The following ZNF148 variants were observed in gnomAD, a reference collection of about 807,000 sequenced individuals.
The protein encoded by ZNF148 is Beta-Enolase Repressor Factor-1.
ZNF148 carries 7 observed loss-of-function variants against 67.7 expected under a neutral mutation model. The observed-to-expected ratio is 0.10, with a 90% CI of 0.06 to 0.19. The LOEUF (loss-of-function observed/expected upper bound fraction) is 0.19, where lower values mean the gene tolerates loss of function less well. ZNF148 is among the 10% of genes least tolerant of loss of function. The pLI, the probability that ZNF148 is intolerant of heterozygous loss-of-function variation, is 1.00. For missense variants in ZNF148, 583 were observed against 947.1 expected, an observed-to-expected ratio of 0.62 and a Z score of 5.05; for synonymous variants, 333 against 330.7, an observed-to-expected ratio of 1.01 and a Z score of -0.08.
At chr3:125,251,479 G>A (rs1936840113) in intron 7 of ZNF148, among the ~76,000 whole-genome samples, 2 of 152,124 alleles carry the variant, frequency 1.3e-5, no homozygotes, top group African/African-American at 4.8e-5. Flanking sequence ...TAAAGAAAGG[G>A]AACATTAGAC....
At chr3:125,297,346 A>C (rs546652510) in intron 4 of ZNF148, among the ~76,000 whole-genome samples, 2 of 152,268 alleles carry the variant, frequency 1.3e-5, no homozygotes, top group Non-Finnish European at 2.9e-5. Flanking sequence ...AGCCTCCAAA[A>C]GTTAAAAAAG....
intron 1 of ZNF148, among the ~76,000 whole-genome samples, chr3:125,354,333 T>A (rs1942266043): frequency 2.0e-5 from 3 of 152,134 alleles, no homozygotes; most frequent in African/African-American, 7.2e-5. Flanking sequence ...TTTTGTTTTG[T>A]TTTTAGGAAA....
chr3:125,261,133 T>C (rs979349539), intron 7 of ZNF148, among the ~76,000 whole-genome samples: 19 of 152,202 alleles, frequency 1.2e-4, no homozygotes, highest in African/African-American at 4.1e-4. Flanking sequence ...TCAGGGGCCA[T>C]ATGATCTCTG....
At chr3:125,259,600 C>T (rs1187497356) in intron 7 of ZNF148, among the ~76,000 whole-genome samples, 1 of 152,134 alleles carries the variant, frequency 6.6e-6, no homozygotes. Context: ...TTACATTATA[C>T]TATAGCCTAT....
chr3:125,307,680 T>G (rs915185553), intron 4 of ZNF148, among the ~76,000 whole-genome samples: 5 of 152,192 alleles, frequency 3.3e-5, no homozygotes, highest in Non-Finnish European at 5.9e-5. Flanking sequence ...AGTCTCACTC[T>G]GTCACCCAGG....
intron 4 of ZNF148, among the ~76,000 whole-genome samples, chr3:125,298,617 A>C (rs1163403763): frequency 2.1e-5 from 3 of 142,256 alleles, no homozygotes; most frequent in African/African-American, 7.9e-5. Context: ...ATTTATATTA[A>C]ATTTTTTTTT....
intron 4 of ZNF148, among the ~76,000 whole-genome samples, chr3:125,292,307 G>A (rs1222715391): frequency 1.3e-5 from 2 of 152,132 alleles, no homozygotes; most frequent in Non-Finnish European, 2.9e-5. Flanking sequence ...TTTGATTTTC[G>A]AAAAGGTTCA....
chr3:125,323,211 T>C (rs904116493), intron 3 of ZNF148, 98 bp downstream of exon 3: 2 of 434,476 alleles, frequency 4.6e-6, no homozygotes, highest in Non-Finnish European at 8.1e-6. Flanking sequence ...GAAACTATTA[T>C]ATAAATTCAG....
chr3:125,316,599 A>C (rs980087179), intron 3 of ZNF148, among the ~76,000 whole-genome samples: 1 of 152,150 alleles, frequency 6.6e-6, no homozygotes, highest in East Asian at 1.9e-4. Flanking sequence ...GATGATCAAC[A>C]ATGTTGAGCA....
intron 1 of ZNF148, among the ~76,000 whole-genome samples, chr3:125,373,680 G>A (rs559337516): frequency 6.6e-6 from 1 of 152,266 alleles, no homozygotes; most frequent in East Asian, 1.9e-4. Context: ...CCCACACTTT[G>A]CTGGCTGATA....
rs192107452 is a variant in ZNF148 at position 125,268,035 on chromosome 3, A to T, written c.667+9691T>A. On this transcript the variant is annotated intron_variant, in intron 7 of 8. Transcript: ENST00000360647. ...GAAGGTGAAAGATCTCTATAAGAAGAACTAAAAAACACTGCTGAAGGAAAT... is the reference window on the plus strand; with the variant it reads ...GAAGGTGAAAGATCTCTATAAGAAGTACTAAAAAACACTGCTGAAGGAAAT... Among the ~76,000 whole-genome samples the T allele has an allele frequency of 1.2e-3, 181 of 152,266 alleles. 1 individual carries two copies. The highest frequency in any genetic ancestry group is 5.0e-3 in the Admixed American group (77 of 15,290).
rs1281742187 is a variant in ZNF148, at chr3:125,280,494, C to A, written c.460-1247G>T. ...TTCAGGAGTTCGAGACCAGCCTGGG[C>A]AAAATGAGGAAACCCCGTCTCCACT... On this transcript the variant is annotated intron_variant, in intron 5 of 8. Transcript: ENST00000360647. 3.3e-5 allele frequency among the ~76,000 whole-genome samples: 5 copies of A among 151,818 alleles called. No individual in the cohort carries two copies. The South Asian group carries it at 8.3e-4, about 25-fold the overall frequency.
chr3:125,248,562 T>C (rs945792383), intron 7 of ZNF148, among the ~76,000 whole-genome samples: 2 of 152,230 alleles, frequency 1.3e-5, no homozygotes, highest in Non-Finnish European at 2.9e-5. Context: ...GCATACTTTT[T>C]TCATGACTAA....
chr3:125,275,914 A>C (rs1205896937), intron 7 of ZNF148, among the ~76,000 whole-genome samples: 1 of 152,226 alleles, frequency 6.6e-6, no homozygotes, highest in Non-Finnish European at 1.5e-5. Flanking sequence ...ACCTGCCCTA[A>C]GAACGGACAG....
intron 1 of ZNF148, among the ~76,000 whole-genome samples, chr3:125,339,108 C>T (rs1941614665): frequency 6.6e-6 from 1 of 152,082 alleles, no homozygotes; most frequent in South Asian, 2.1e-4. Flanking sequence ...AACTCCTGAC[C>T]CTCAAGTGAT....
chr3:125,285,643 C>A (rs1222135304), intron 5 of ZNF148, among the ~76,000 whole-genome samples: 5 of 152,064 alleles, frequency 3.3e-5, no homozygotes, highest in Admixed American at 6.6e-5. Context: ...ATTCTTCCGT[C>A]TCAGCCTCCC....
Position 125,247,802 on chromosome 3 carries a change from T to C in ZNF148, c.668-13473A>G, listed in dbSNP as rs535710079. On this transcript the variant is annotated intron_variant, in intron 7 of 8. Coordinates refer to ENST00000360647, the MANE Select transcript of ZNF148 (RefSeq NM_021964.3). ...AAACTTCCACTTTATGAGGGAGCCA[T>C]CAATGAAAACTGATCAATTACCTCT... 3.3e-5 allele frequency among the ~76,000 whole-genome samples: 5 copies of C among 152,258 alleles called. No homozygotes were observed. The South Asian group carries it at 1.0e-3, about 32-fold the overall frequency.
intron 7 of ZNF148, among the ~76,000 whole-genome samples, chr3:125,260,754 T>C (rs1937299928): frequency 6.6e-6 from 1 of 152,174 alleles, no homozygotes; most frequent in African/African-American, 2.4e-5. Flanking sequence ...GTATGTAAAT[T>C]GTACATTAAA....
intron 4 of ZNF148, among the ~76,000 whole-genome samples, chr3:125,293,717 G>C (rs1038729451): frequency 5.9e-5 from 9 of 152,100 alleles, no homozygotes; most frequent in Non-Finnish European, 1.5e-5. Flanking sequence ...GATACAAAAT[G>C]AAACAGTAAA....
Sources: gnomAD v4.1 joint callset for allele counts (sites outside exome capture counted in the v4.1 genomes callset) on GRCh38, gnomAD v4.1.1 for gene constraint, MANE v1.5 for transcripts, NCBI Gene and HGNC (gene_info 2026-07-23, HGNC 2026-07-21) for gene names.